Variants in CBFA2T3 observed in about 807,000 individuals in gnomAD.
CBFA2T3 encodes the protein CBFA2/RUNX1 partner transcriptional co-repressor 3, also known as transcriptional corepressor CBFA2T3.
A neutral mutation model predicts 58.6 loss-of-function variants in CBFA2T3; 31 were observed. The observed-to-expected ratio is 0.53, with a 90% CI of 0.40 to 0.71. The LOEUF is 0.71. CBFA2T3 is among the 30% of genes least tolerant of loss of function. CBFA2T3 has a pLI of 0.00. For missense variants in CBFA2T3, 1,076 were observed against 963.1 expected (o/e 1.12, Z -1.55); for synonymous variants, 531 against 421.9 (o/e 1.26, Z -3.17).
chr16:88,881,595 A>T (rs1969084176), intron 8 of CBFA2T3, 106 bp from the exon 9 acceptor site: 6 of 1,160,698 alleles, frequency 5.2e-6, no homozygotes, highest in Non-Finnish European at 4.8e-6. Context: ...GTGCCCGACC[A>T]GCCCACCGCC....
rs753037561 is a variant in CBFA2T3 at position 88,892,262 on chromosome 16, T to C, written c.603A>G (p.Thr201=). 1.9e-6 allele frequency: 3 copies of C among 1,610,088 alleles called. No individual in the cohort carries two copies. The highest frequency in any genetic ancestry group is 2.7e-5 in the African/African-American group (2 of 74,876). The change falls in exon 4 of 12, where the codon ACA becomes ACG. Residue 201 remains threonine (T), a synonymous_variant. Transcript: ENST00000268679. Reference sequence around the variant, plus strand: ...AACTCACCACCAGGCCCAGCACCAGTGTGCGCACGCGCTCCCCAATCTCTG... The same window carrying C: ...AACTCACCACCAGGCCCAGCACCAGCGTGCGCACGCGCTCCCCAATCTCTG... The part of the protein sequence containing the change: ...ISPEIGERVR[T]LVLGLVNSTL...
chr16:88,926,277 C>T (rs10438577), intron 1 of CBFA2T3, among the ~76,000 whole-genome samples: 3,661 of 152,262 alleles, frequency 0.024, 87 homozygotes, highest in African/African-American at 0.056. Context: ...CAGGGAGTTC[C>T]AGCACCTAAA....
At chr16:88,883,996 A>T (rs964928321) in intron 7 of CBFA2T3, 1 of 152,232 alleles carries the variant, frequency 6.6e-6, no homozygotes, top group African/African-American at 2.4e-5. Context: ...ATTGCAGAGG[A>T]GGTGGGGAAG....
intron 1 of CBFA2T3, among the ~76,000 whole-genome samples, chr16:88,945,656 A>G (rs1175374932): frequency 6.6e-6 from 1 of 152,186 alleles, no homozygotes; most frequent in African/African-American, 2.4e-5. Context: ...AAAACTCAAC[A>G]CACGGACAAC....
intron 3 of CBFA2T3, among the ~76,000 whole-genome samples, chr16:88,896,223 CG>C (rs564501345): frequency 2.0e-5 from 3 of 152,132 alleles, no homozygotes; most frequent in Non-Finnish European, 4.4e-5. Flanking sequence ...ACTTTCCCTA[CG>C]GGGGGGCTGC....
chr16:88,927,947 G>C (rs1378059485), intron 1 of CBFA2T3, among the ~76,000 whole-genome samples: 1 of 152,212 alleles, frequency 6.6e-6, no homozygotes, highest in Non-Finnish European at 1.5e-5. Context: ...CCAGTGTGGG[G>C]CGTCCTCTGA....
chr16:88,881,414 C>T lies in CBFA2T3; in HGVS notation c.1279G>A (p.Asp427Asn), dbSNP rs749297800. Reference sequence around the variant, plus strand: ...GCCCAGTGGTTGAGCTCCTCGCGGTCGGCCTCCTGGCACCTGCGCAGCACC... The same window carrying T: ...GCCCAGTGGTTGAGCTCCTCGCGGTTGGCCTCCTGGCACCTGCGCAGCACC... The part of the protein sequence containing the change: ...LTVLRRCQEA[D>N]REELNHWARR... The change falls in exon 9 of 12, where the codon GAC becomes AAC. Residue 427 changes from aspartate to asparagine, a missense_variant. Transcript: ENST00000268679. 1.4e-5 allele frequency: 22 copies of T among 1,607,970 alleles called. No individual in the cohort carries two copies. Among genetic ancestry groups the T allele is most frequent in the Admixed American group, 6.7e-5 (4 of 59,712 alleles).
intron 3 of CBFA2T3, among the ~76,000 whole-genome samples, chr16:88,893,416 G>A (rs1312270807): frequency 6.6e-6 from 1 of 152,058 alleles, no homozygotes; most frequent in Non-Finnish European, 1.5e-5. Flanking sequence ...TCCCAGACAG[G>A]TGACTCCCAG....
chr16:88,907,270 C>G (rs1242038831), intron 1 of CBFA2T3, among the ~76,000 whole-genome samples: 1 of 152,140 alleles, frequency 6.6e-6, no homozygotes, highest in Non-Finnish European at 1.5e-5. Flanking sequence ...CAAGGGGGTC[C>G]CTGGGGCACC....
chr16:88,918,295 G>A (rs1375354213), intron 1 of CBFA2T3, among the ~76,000 whole-genome samples: 3 of 152,246 alleles, frequency 2.0e-5, no homozygotes, highest in Non-Finnish European at 4.4e-5. Context: ...CCTGCAGGCC[G>A]GGGGTGAAGG....
At position 88,962,527 on chromosome 16, in the gene CBFA2T3, C is replaced by T. The variant is rs74682502; in HGVS notation, c.151+14130G>A. Among the ~76,000 whole-genome samples, 613 of 152,278 alleles carry T rather than the reference C, an allele frequency of 4.0e-3. 10 individuals are homozygous for T. Among genetic ancestry groups the T allele is most frequent in the African/African-American group, 0.014 (591 of 41,548 alleles). On this transcript the variant is annotated intron_variant, in intron 1 of 11. Coordinates refer to ENST00000268679, the MANE Select transcript of CBFA2T3 (RefSeq NM_005187.6). ...CATTACCCATGCCTGTCGTGAGTCCCGAAGGAGAGGCCCAGGGCCCAGGCC... is the reference window on the plus strand; with the variant it reads ...CATTACCCATGCCTGTCGTGAGTCCTGAAGGAGAGGCCCAGGGCCCAGGCC...
rs531436418 is a variant in CBFA2T3, at chr16:88,875,214, C to G, written c.*1762G>C. ...ATGCCAAGCCACGGGCCACGCCACA[C>G]GCACAGATGCCAGGCTGCGGGCCGT... On this transcript the variant is annotated 3_prime_UTR_variant, in exon 12 of 12. Transcript: ENST00000268679. 1 of 234,332 alleles carries G rather than the reference C, an allele frequency of 4.3e-6. No homozygotes were observed. Among genetic ancestry groups the G allele is most frequent in the Admixed American group, 5.6e-5 (1 of 17,792 alleles). 14.5% of individuals were successfully genotyped at this position (234,332 alleles called of 1,614,324 possible).
At chr16:88,959,018 G>A (rs1036935382) in intron 1 of CBFA2T3, among the ~76,000 whole-genome samples, 1 of 152,136 alleles carries the variant, frequency 6.6e-6, no homozygotes, top group African/African-American at 2.4e-5. Context: ...CTGTGTGCCC[G>A]GGCTGTGCCG....
intron 1 of CBFA2T3, among the ~76,000 whole-genome samples, chr16:88,908,018 T>C (rs1970396359): frequency 6.6e-6 from 1 of 152,168 alleles, no homozygotes; most frequent in South Asian, 2.1e-4. Flanking sequence ...TGCAGCCTCA[T>C]CTGCCTCCCA....
intron 1 of CBFA2T3, among the ~76,000 whole-genome samples, chr16:88,907,252 G>A (rs544108585): frequency 2.6e-5 from 4 of 152,282 alleles, no homozygotes; most frequent in East Asian, 1.9e-4. Flanking sequence ...AGGCCTGGCC[G>A]CCCAGCACAA....
Position 88,885,103 on chromosome 16 carries a change from GGAA to G in CBFA2T3, c.1057_1059del (p.Phe353del). 1 of 1,602,410 alleles carries G rather than the reference GGAA, an allele frequency of 6.2e-7. No individual in the cohort carries two copies. On this transcript the variant is annotated inframe_deletion, in exon 7 of 12. Coordinates refer to ENST00000268679, the MANE Select transcript of CBFA2T3 (RefSeq NM_005187.6). The surrounding 1 kb of genome is among the most constrained non-coding windows in gnomAD (Gnocchi z 5.3). ...GGGTCTGGGTGGCGGTAGGCATCTCGGAAGTGGTGGGCCATGGCTATGTCCTCC... is the reference window on the plus strand; with the variant it reads ...GGGTCTGGGTGGCGGTAGGCATCTCGGTGGTGGGCCATGGCTATGTCCTCC...
At chr16:88,909,302 G>C (rs1261550808) in intron 1 of CBFA2T3, among the ~76,000 whole-genome samples, 1 of 152,194 alleles carries the variant, frequency 6.6e-6, no homozygotes, top group Non-Finnish European at 1.5e-5. Flanking sequence ...CTCCATAAAA[G>C]TGCAGAATTA....
In CBFA2T3 at chr16:88,880,718, A is replaced by G. The variant is rs1475498319; in HGVS notation, c.1471+2T>C. The G allele has an allele frequency of 6.4e-7, 1 of 1,559,068 alleles. No individual in the cohort carries two copies. On this transcript the variant is annotated splice_donor_variant, in intron 10 of 11. Coordinates refer to ENST00000268679, the MANE Select transcript of CBFA2T3 (RefSeq NM_005187.6). LOFTEE classifies it high-confidence loss of function. ...TGGCCAGGCCCCTGCACCCCCACTC[A>G]CCAGCCTTCCTCCAGATGTCCTCAG...
rs144979801 is a variant in CBFA2T3, at chr16:88,925,910, C to T, written c.152-24254G>A. On this transcript the variant is annotated intron_variant, in intron 1 of 11. Transcript: ENST00000268679. ...GCCAGACGCCATGTGAACGTTTTTA[C>T]GATGATTTTTAAAAGAGAGGCTGAG... Among the ~76,000 whole-genome samples the T allele has an allele frequency of 1.3e-3, 205 of 152,314 alleles. 1 individual carries two copies. The highest frequency in any genetic ancestry group is 4.6e-3 in the African/African-American group (191 of 41,572).
Sources: allele counts gnomAD v4.1 joint callset (sites outside exome capture counted in the v4.1 genomes callset), GRCh38; gene constraint gnomAD v4.1.1; non-coding constraint Gnocchi (gnomAD v3.1); transcripts MANE v1.5; gene names NCBI Gene and HGNC (gene_info 2026-07-23, HGNC 2026-07-21).